NBAS: variants seen among roughly 807,000 people sequenced by gnomAD.
NBAS encodes the protein NBAS subunit of NRZ tethering complex, also known as NAG/BC035112 fusion.
A neutral mutation model predicts 302.5 loss-of-function variants in NBAS; 219 were observed. The ratio of observed to expected loss-of-function variants is 0.72; its 90% confidence interval spans 0.65 to 0.81. NBAS has a LOEUF of 0.81. Ranked by LOEUF, NBAS falls within the 30% of genes least tolerant of loss-of-function variation. The probability of loss-of-function intolerance (pLI) is 0.00; values close to 1 mark genes in which losing one functional copy is unlikely to be tolerated. For synonymous variants in NBAS, 1,118 were observed against 1,021.6 expected, an observed-to-expected ratio of 1.09 and a Z score of -1.80; for missense variants, 2,932 against 2,841.6, an observed-to-expected ratio of 1.03 and a Z score of -0.72.
chr2:14,933,213 G>A, the NBAS span, among the ~76,000 whole-genome samples: 1 of 152,188 alleles, frequency 6.6e-6, no homozygotes. Flanking sequence ...CTGAGTCCCA[G>A]ACCAATGTTC....
At position 15,254,209 on chromosome 2, in the gene NBAS, A is replaced by C. The variant is rs1668483311; in HGVS notation, c.5725-15523T>G. ...CCCACCCAGAAGCAATTGGGCACCC[A>C]GGAGGCTCACTTCCTACACTCCTAT... On this transcript the variant is annotated intron_variant, in intron 44 of 51. Coordinates refer to ENST00000281513, the MANE Select transcript of NBAS (RefSeq NM_015909.4). Among the ~76,000 whole-genome samples the C allele has an allele frequency of 3.3e-5, 5 of 151,936 alleles. No homozygotes were observed. The South Asian group carries it at 8.3e-4, about 25-fold the overall frequency.
the NBAS span, among the ~76,000 whole-genome samples, chr2:15,026,493 T>TAAAAAAAAAAAA: frequency 7.6e-6 from 1 of 132,364 alleles, no homozygotes; most frequent in African/African-American, 3.2e-5. Flanking sequence ...AAAAAAAAAG[T>TAAAAAAAAAAAA]CTTTTCTGCA....
chr2:15,220,177 G>A (rs1238400690), intron 47 of NBAS, among the ~76,000 whole-genome samples: 1 of 145,328 alleles, frequency 6.9e-6, no homozygotes, highest in Admixed American at 6.8e-5. Flanking sequence ...CCGGGCGGGG[G>A]GCTGACCCCC....
the NBAS span, among the ~76,000 whole-genome samples, chr2:14,831,708 T>A: frequency 1.3e-5 from 2 of 152,186 alleles, no homozygotes; most frequent in African/African-American, 4.8e-5. Flanking sequence ...CTAGCTCTAC[T>A]ACCCGCCAAT....
intron 46 of NBAS, among the ~76,000 whole-genome samples, chr2:15,234,320 C>G (rs938767321): frequency 2.0e-5 from 3 of 152,172 alleles, no homozygotes; most frequent in Non-Finnish European, 2.9e-5. Context: ...GGGGGTCCAA[C>G]CAGAAATTAC....
intron 44 of NBAS, among the ~76,000 whole-genome samples, chr2:15,265,900 G>T (rs537647147): frequency 1.8e-4 from 28 of 152,300 alleles, no homozygotes; most frequent in Admixed American, 1.7e-3. Flanking sequence ...TGGAGAGGAG[G>T]TAGGTTTGTC....
chr2:15,147,381 A>G, the NBAS span, among the ~76,000 whole-genome samples: 7 of 151,958 alleles, frequency 4.6e-5, no homozygotes, highest in Admixed American at 1.3e-4. Context: ...ATCACCTGAG[A>G]TCAGGAGTTC....
the NBAS span, among the ~76,000 whole-genome samples, chr2:14,782,281 T>TA: frequency 6.6e-6 from 1 of 151,822 alleles, no homozygotes; most frequent in African/African-American, 2.4e-5. Flanking sequence ...TTCCCCCCAT[T>TA]AAAAAAATGG....
chr2:15,327,127 C>T (rs982469502), intron 38 of NBAS, among the ~76,000 whole-genome samples: 1 of 152,082 alleles, frequency 6.6e-6, no homozygotes, highest in African/African-American at 2.4e-5. Flanking sequence ...TTTCTTCACC[C>T]TTTTCTTCCT....
At chr2:15,450,392 C>T (rs1003593192) in intron 21 of NBAS, among the ~76,000 whole-genome samples, 4 of 152,198 alleles carry the variant, frequency 2.6e-5, no homozygotes, top group African/African-American at 9.7e-5. Context: ...ACATGCTCAA[C>T]TTTCAAGGTC....
chr2:14,918,032 C>T, the NBAS span, among the ~76,000 whole-genome samples: 1 of 152,130 alleles, frequency 6.6e-6, no homozygotes, highest in Non-Finnish European at 1.5e-5. Context: ...CAAGTTCCAG[C>T]CCCTTCCTTC....
At chr2:15,541,211 A>G (rs1180589065) in intron 6 of NBAS, among the ~76,000 whole-genome samples, 2 of 152,046 alleles carry the variant, frequency 1.3e-5, no homozygotes, top group Non-Finnish European at 2.9e-5. Flanking sequence ...TTGTTTACCT[A>G]TTTGCCCCAC....
chr2:14,797,364 T>C, the NBAS span, among the ~76,000 whole-genome samples: 1 of 152,186 alleles, frequency 6.6e-6, no homozygotes, highest in Non-Finnish European at 1.5e-5. Flanking sequence ...AATGTAGCTT[T>C]CTTGCCCTCT....
At chr2:15,300,694 T>C (rs1670757381) in intron 40 of NBAS, among the ~76,000 whole-genome samples, 1 of 152,170 alleles carries the variant, frequency 6.6e-6, no homozygotes, top group Non-Finnish European at 1.5e-5. Context: ...AGAATTCCTG[T>C]CTTCAAATAA....
intron 6 of NBAS, among the ~76,000 whole-genome samples, chr2:15,548,092 T>C (rs555717229): frequency 7.2e-5 from 11 of 152,326 alleles, no homozygotes; most frequent in African/African-American, 2.2e-4. Flanking sequence ...TAAATACATG[T>C]ACACTTTTGT....
the NBAS span, among the ~76,000 whole-genome samples, chr2:15,145,631 T>G: frequency 6.6e-6 from 1 of 152,070 alleles, no homozygotes; most frequent in African/African-American, 2.4e-5. Context: ...GGCAGACCAC[T>G]GGGCACTGAG....
At chr2:14,806,174 A>C in the NBAS span, among the ~76,000 whole-genome samples, 1 of 152,166 alleles carries the variant, frequency 6.6e-6, no homozygotes, top group East Asian at 1.9e-4. Flanking sequence ...ATTTCTAACA[A>C]GTTCCCAAAT....
chr2:15,501,848 G>A (rs866101898), intron 11 of NBAS, among the ~76,000 whole-genome samples: 20 of 151,376 alleles, frequency 1.3e-4, no homozygotes, highest in Admixed American at 6.6e-4. Context: ...CTGCAGCCTC[G>A]ACCTCCTGGG....
At chr2:15,133,163 T>A in the NBAS span, among the ~76,000 whole-genome samples, 1 of 152,220 alleles carries the variant, frequency 6.6e-6, no homozygotes, top group Non-Finnish European at 1.5e-5. Context: ...GGTGCTTATG[T>A]GTTGAAAGAT....
Sources: allele counts gnomAD v4.1 joint callset (sites outside exome capture counted in the v4.1 genomes callset), GRCh38; gene constraint gnomAD v4.1.1; transcripts MANE v1.5; gene names NCBI Gene and HGNC (gene_info 2026-07-23, HGNC 2026-07-21).